MYRIP: variants seen among roughly 807,000 people sequenced by gnomAD.
The protein encoded by MYRIP is rab effector MyRIP.
In MYRIP, 49 loss-of-function variants were observed where a neutral mutation model predicts 98.0. That is an observed-to-expected ratio of 0.50 (90% CI 0.40 to 0.63). The LOEUF (loss-of-function observed/expected upper bound fraction) is 0.63, where lower values mean the gene tolerates loss of function less well. Among genes scored for constraint, MYRIP ranks in the 30% least tolerant of loss-of-function variants. The pLI, the probability that MYRIP is intolerant of heterozygous loss-of-function variation, is 0.00. For synonymous variants in MYRIP, 404 were observed against 409.5 expected (o/e 0.99, Z 0.16); for missense variants, 1,004 against 1,058.2 (o/e 0.95, Z 0.71).
chr3:40,008,635 A>G (rs1175929920), intron 2 of MYRIP, among the ~76,000 whole-genome samples: 4 of 152,180 alleles, frequency 2.6e-5, no homozygotes, highest in African/African-American at 9.7e-5. Flanking sequence ...GAGGGAGAAC[A>G]GCACTTCAGC....
At chr3:39,888,268 A>T (rs574536382) in intron 1 of MYRIP, among the ~76,000 whole-genome samples, 1 of 152,256 alleles carries the variant, frequency 6.6e-6, no homozygotes, top group East Asian at 1.9e-4. Flanking sequence ...ACACTACCTG[A>T]TTTCAAACTA....
At chr3:40,185,758 T>C (rs770413182) in intron 9 of MYRIP, among the ~76,000 whole-genome samples, 20 of 152,198 alleles carry the variant, frequency 1.3e-4, no homozygotes, top group African/African-American at 4.1e-4. Context: ...ATTTATAACA[T>C]GGTCAACCCT....
intron 2 of MYRIP, among the ~76,000 whole-genome samples, chr3:39,944,819 TTA>T (rs1415334816): frequency 6.6e-6 from 1 of 152,116 alleles, no homozygotes; most frequent in Admixed American, 6.6e-5. Flanking sequence ...GAAGTATTGT[TTA>T]TGAGTTTCTA....
intron 1 of MYRIP, among the ~76,000 whole-genome samples, chr3:39,874,700 C>T (rs1942922133): frequency 6.6e-6 from 1 of 152,158 alleles, no homozygotes; most frequent in Non-Finnish European, 1.5e-5. Context: ...CCCACTTTAT[C>T]ATGGTGGATA....
At chr3:40,158,063 T>C (rs371187704) in intron 4 of MYRIP, among the ~76,000 whole-genome samples, 13 of 152,048 alleles carry the variant, frequency 8.5e-5, no homozygotes, top group East Asian at 1.9e-4. Flanking sequence ...GCTCTTGCTT[T>C]TCTAGTTCTT....
intron 11 of MYRIP, among the ~76,000 whole-genome samples, chr3:40,230,133 ACT>A (rs1419641863): frequency 2.0e-5 from 3 of 151,658 alleles, no homozygotes; most frequent in Non-Finnish European, 2.9e-5. Flanking sequence ...GTGTCAGCTG[ACT>A]CTCTCCATGC....
At chr3:40,043,560 A>G (rs1469703425) in intron 2 of MYRIP, among the ~76,000 whole-genome samples, 1 of 152,026 alleles carries the variant, frequency 6.6e-6, no homozygotes, top group Non-Finnish European at 1.5e-5. Flanking sequence ...ATCCTTATTA[A>G]CTCATATAGA....
At chr3:39,922,782 T>C (rs6778983) in intron 2 of MYRIP, among the ~76,000 whole-genome samples, 56,410 of 151,908 alleles carry the variant, frequency 0.37, 10,783 homozygotes, top group East Asian at 0.45. Flanking sequence ...TACAATAGTA[T>C]ACAAGTGTCA....
At chr3:40,238,914 T>A (rs1227377597) in intron 12 of MYRIP, among the ~76,000 whole-genome samples, 1 of 152,174 alleles carries the variant, frequency 6.6e-6, no homozygotes, top group Admixed American at 6.5e-5. Flanking sequence ...TTTATTTTTA[T>A]TTATTATTAT....
intron 1 of MYRIP, among the ~76,000 whole-genome samples, chr3:39,870,535 T>G (rs5006753): frequency 0.17 from 25,134 of 152,102 alleles, 2,118 homozygotes; most frequent in South Asian, 0.19. Context: ...TCTTTTTTTT[T>G]GGGTTTTACT....
intron 1 of MYRIP, among the ~76,000 whole-genome samples, chr3:39,810,307 C>T (rs1383534308): frequency 6.6e-6 from 1 of 152,240 alleles, no homozygotes; most frequent in Admixed American, 6.5e-5. Context: ...CGTTAAGCGC[C>T]CCGCAAGCAG....
chr3:39,995,166 C>T (rs927964245), intron 2 of MYRIP, among the ~76,000 whole-genome samples: 3 of 152,130 alleles, frequency 2.0e-5, no homozygotes, highest in Admixed American at 2.0e-4. Flanking sequence ...TCCTCACCAA[C>T]AACGGAACAA....
intron 3 of MYRIP, among the ~76,000 whole-genome samples, chr3:40,089,289 A>G (rs569577639): frequency 6.6e-6 from 1 of 152,368 alleles, no homozygotes; most frequent in Admixed American, 6.5e-5. Context: ...GTCTTTCCTT[A>G]CTAAGCACTT....
At chr3:39,822,468 A>AT (rs143127204) in intron 1 of MYRIP, among the ~76,000 whole-genome samples, 4,239 of 149,248 alleles carry the variant, frequency 0.028, 182 homozygotes, top group East Asian at 0.22. Flanking sequence ...TTTTTTTGCG[A>AT]TTTTTTTTTT....
At chr3:40,101,918 G>A (rs930521085) in intron 3 of MYRIP, among the ~76,000 whole-genome samples, 18 of 152,180 alleles carry the variant, frequency 1.2e-4, no homozygotes, top group Non-Finnish European at 1.8e-4. Flanking sequence ...GGGTTAGTGG[G>A]CCTCAGTAGG....
Position 40,247,159 on chromosome 3 carries a change from T to C in MYRIP, c.2262+2552T>C, listed in dbSNP as rs184387632. Among the ~76,000 whole-genome samples, 452 of 152,306 alleles carry C rather than the reference T, an allele frequency of 3.0e-3. 1 individual carries two copies. Among genetic ancestry groups the C allele is most frequent in the Middle Eastern group, 6.8e-3 (2 of 294 alleles). ...GGATAATTATTCCCCCTTTATTGGA[T>C]AGTTATTCCCCCTTCCACATTTTTC... On this transcript the variant is annotated intron_variant, in intron 13 of 16. Transcript: ENST00000302541.
At chr3:39,878,900 CAAAA>C (rs140566973) in intron 1 of MYRIP, among the ~76,000 whole-genome samples, 1 of 123,962 alleles carries the variant, frequency 8.1e-6, no homozygotes, top group Non-Finnish European at 1.8e-5. Context: ...ACTAAAAATA[CAAAA>C]AAAAAAAAAA....
At chr3:39,935,543 C>T (rs1330146431) in intron 2 of MYRIP, among the ~76,000 whole-genome samples, 3 of 152,130 alleles carry the variant, frequency 2.0e-5, no homozygotes, top group Non-Finnish European at 4.4e-5. Context: ...GACCTTGGCT[C>T]ATGTTTCCAT....
intron 3 of MYRIP, among the ~76,000 whole-genome samples, chr3:40,141,962 T>G (rs1271638859): frequency 6.6e-6 from 1 of 152,140 alleles, no homozygotes; most frequent in Non-Finnish European, 1.5e-5. Flanking sequence ...CTTAGGAATT[T>G]CTTTCTATTT....
Sources: gnomAD v4.1 joint callset for allele counts (sites outside exome capture counted in the v4.1 genomes callset) on GRCh38, gnomAD v4.1.1 for gene constraint, MANE v1.5 for transcripts, NCBI Gene and HGNC (gene_info 2026-07-23, HGNC 2026-07-21) for gene names.